Variants in SMCO2 observed in about 807,000 individuals in gnomAD.
SMCO2 encodes the protein single-pass membrane protein with coiled-coil domains 2.
In SMCO2, 25 loss-of-function variants were observed where a neutral mutation model predicts 29.5. The observed-to-expected ratio is 0.85, with a 90% CI of 0.62 to 1.18. The LOEUF (loss-of-function observed/expected upper bound fraction) is 1.18. Among genes scored for constraint, SMCO2 ranks in the 50% most tolerant of loss-of-function variants. The pLI is 0.00. For missense variants in SMCO2, 348 were observed against 344.5 expected (o/e 1.01, Z -0.08); for synonymous variants, 117 against 123.3 (o/e 0.95, Z 0.34).
the SMCO2 span, among the ~76,000 whole-genome samples, chr12:27,444,369 C>A: frequency 6.6e-6 from 1 of 152,124 alleles, no homozygotes; most frequent in South Asian, 2.1e-4. Context: ...TGACTTGAAT[C>A]TAAGACCTGA....
chr12:27,426,299 T>C, the SMCO2 span, among the ~76,000 whole-genome samples: 1 of 152,204 alleles, frequency 6.6e-6, no homozygotes, highest in East Asian at 1.9e-4. Context: ...GGGGTCTGGA[T>C]TGCAGTGCTG....
At chr12:27,489,110 A>T (rs1428401727) in intron 5 of SMCO2, among the ~76,000 whole-genome samples, 1 of 151,840 alleles carries the variant, frequency 6.6e-6, no homozygotes, top group Non-Finnish European at 1.5e-5. Context: ...GTGCCGTGGC[A>T]TGATCTTGGC....
intron 3 of SMCO2, among the ~76,000 whole-genome samples, chr12:27,474,393 T>C (rs1949566320): frequency 6.6e-6 from 1 of 152,184 alleles, no homozygotes; most frequent in Non-Finnish European, 1.5e-5. Context: ...ATGCAATATG[T>C]TTGGTTTTCA....
intron 4 of SMCO2, among the ~76,000 whole-genome samples, chr12:27,477,977 A>T (rs1378782434): frequency 6.6e-6 from 1 of 151,286 alleles, no homozygotes; most frequent in East Asian, 1.9e-4. Flanking sequence ...TTCCTTTTTC[A>T]TGTTTCTTTG....
chr12:27,463,514 G>A (rs540468080), upstream of SMCO2, among the ~76,000 whole-genome samples: 11 of 152,226 alleles, frequency 7.2e-5, no homozygotes, highest in African/African-American at 2.2e-4. Context: ...TGATCTGCCC[G>A]CCTCAGCCTC....
intron 4 of SMCO2, 22 bp downstream of exon 4, chr12:27,474,935 A>G (rs1045020382): frequency 3.0e-5 from 46 of 1,547,902 alleles, no homozygotes; most frequent in Admixed American, 4.0e-5. Flanking sequence ...CACATGCAAG[A>G]CAGAGCATTT....
intron 4 of SMCO2, among the ~76,000 whole-genome samples, chr12:27,477,533 C>T (rs961532849): frequency 6.7e-6 from 1 of 149,338 alleles, no homozygotes; most frequent in African/African-American, 2.5e-5. Flanking sequence ...TTTTTAATGC[C>T]TTTGCCCACT....
chr12:27,459,933 G>A, the SMCO2 span, among the ~76,000 whole-genome samples: 1 of 152,142 alleles, frequency 6.6e-6, no homozygotes, highest in Non-Finnish European at 1.5e-5. Flanking sequence ...GCACGCATTG[G>A]GCTAAAACCT....
intron 1 of SMCO2, among the ~76,000 whole-genome samples, 167 bp from the exon 2 acceptor site, chr12:27,470,455 C>A (rs1409719235): frequency 6.6e-6 from 1 of 151,788 alleles, no homozygotes; most frequent in Admixed American, 6.6e-5. Flanking sequence ...ACTTGAGAAG[C>A]AAAATCTAAG....
the SMCO2 span, among the ~76,000 whole-genome samples, chr12:27,437,390 T>C: frequency 2.0e-5 from 3 of 152,208 alleles, no homozygotes; most frequent in East Asian, 3.8e-4. Flanking sequence ...TGATTTATCA[T>C]TGACGATGTC....
intron 4 of SMCO2, among the ~76,000 whole-genome samples, chr12:27,480,362 CCTCAGGCCCCTGGGTGGCATG>C (rs1949631655): frequency 6.6e-6 from 1 of 152,186 alleles, no homozygotes; most frequent in South Asian, 2.1e-4. Context: ...AACAATGGCT[CCTCAGGCCCCTGGGTGGCATG>C]CACAGGTGCC....
At chr12:27,439,567 T>C in the SMCO2 span, among the ~76,000 whole-genome samples, 1 of 151,534 alleles carries the variant, frequency 6.6e-6, no homozygotes, top group Non-Finnish European at 1.5e-5. Flanking sequence ...AAAACAGCAG[T>C]TTTAAGGAAA....
At chr12:27,441,675 G>GA in the SMCO2 span, among the ~76,000 whole-genome samples, 152,242 of 152,244 alleles carry the variant, frequency 1, 76,120 homozygotes, top group Middle Eastern at 1. Flanking sequence ...CATCCAGACA[G>GA]AAAATCAACA....
At position 27,470,619 on chromosome 12, in the gene SMCO2, C is replaced by G. The variant is rs1021143914; in HGVS notation, c.-10-3C>G. 8 of 1,550,176 alleles carry G rather than the reference C, an allele frequency of 5.2e-6. No individual in the cohort carries two copies. Among genetic ancestry groups the G allele is most frequent in the East Asian group, 2.4e-5 (1 of 40,928 alleles). ...CCTCTTGTTGTCATTATTGTCCTTA[C>G]AGTGCCGAAGAAATGGCTCTCACGC... On this transcript the variant is annotated splice_polypyrimidine_tract_variant and splice_region_variant and intron_variant, in intron 1 of 7. Coordinates refer to ENST00000298876, the Ensembl canonical transcript of SMCO2.
At chr12:27,497,560 G>A (rs1418205274) in intron 7 of SMCO2, 1 of 153,464 alleles carries the variant, frequency 6.5e-6, no homozygotes, top group Non-Finnish European at 1.4e-5. Context: ...TGGGCAACAA[G>A]GTGAAAACTT....
upstream of SMCO2, among the ~76,000 whole-genome samples, chr12:27,466,002 G>A (rs909638213): frequency 2.6e-5 from 4 of 152,158 alleles, no homozygotes; most frequent in Admixed American, 2.6e-4. Flanking sequence ...AGAGGGAAAT[G>A]TGAGCCTGGC....
chr12:27,495,774 A>T (rs1942992769), exon 7 of SMCO2: 1 of 1,541,226 alleles, frequency 6.5e-7, no homozygotes, highest in African/African-American at 1.4e-5. Context: ...GAGGAAATAG[A>T]TACGGAAGAG....
intron 7 of SMCO2, among the ~76,000 whole-genome samples, chr12:27,499,780 G>A (rs145246144): frequency 6.6e-6 from 1 of 150,816 alleles, no homozygotes; most frequent in Non-Finnish European, 1.5e-5. Context: ...AGATATATTG[G>A]TTTAACTACA....
intron 5 of SMCO2, among the ~76,000 whole-genome samples, chr12:27,492,068 T>C (rs4550260): frequency 0.067 from 10,245 of 152,198 alleles, 722 homozygotes; most frequent in East Asian, 0.26. Context: ...ATGAAAAATA[T>C]CCTCCTCCCT....
Sources: gnomAD v4.1 joint callset for allele counts (sites outside exome capture counted in the v4.1 genomes callset) on GRCh38, gnomAD v4.1.1 for gene constraint, MANE v1.5 for transcripts, NCBI Gene and HGNC (gene_info 2026-07-23, HGNC 2026-07-21) for gene names.